The following ROBO2 variants were observed in gnomAD, a reference collection of about 807,000 sequenced individuals.
ROBO2 encodes the protein roundabout homolog 2.
Under a neutral mutation model 160.8 loss-of-function variants are expected in ROBO2, and 53 were observed. The observed-to-expected ratio is 0.33, with a 90% CI of 0.26 to 0.41. ROBO2 has a LOEUF of 0.41. Among genes scored for constraint, ROBO2 ranks in the 10% least tolerant of loss-of-function variants. The pLI is 1.00. For missense variants in ROBO2, 1,577 were observed against 1,722.4 expected (o/e 0.92, Z 1.49); for synonymous variants, 664 against 611.7 (o/e 1.09, Z -1.26).
At chr3:76,281,299 C>CA (rs907918797) in intron 2 of ROBO2, among the ~76,000 whole-genome samples, 10 of 151,822 alleles carry the variant, frequency 6.6e-5, no homozygotes, top group Non-Finnish European at 1.0e-4. Context: ...AATAAAGCAA[C>CA]AATGCACATA....
intron 2 of ROBO2, among the ~76,000 whole-genome samples, chr3:76,233,293 G>T (rs534769213): frequency 2.0e-5 from 3 of 151,978 alleles, no homozygotes; most frequent in African/African-American, 7.2e-5. Context: ...ACAGGCACTT[G>T]CCACCACACC....
At chr3:76,543,796 C>T (rs2082944387) in intron 2 of ROBO2, among the ~76,000 whole-genome samples, 1 of 152,134 alleles carries the variant, frequency 6.6e-6, no homozygotes, top group South Asian at 2.1e-4. Flanking sequence ...ATCTTTAAAT[C>T]CAGACCATCT....
chr3:76,598,302 T>A (rs942280908), intron 2 of ROBO2, among the ~76,000 whole-genome samples: 2 of 152,034 alleles, frequency 1.3e-5, no homozygotes, highest in Non-Finnish European at 2.9e-5. Flanking sequence ...TGGTTTTTTT[T>A]GTTTGTTTGT....
intron 2 of ROBO2, among the ~76,000 whole-genome samples, chr3:77,149,047 T>C (rs1364413787): frequency 2.0e-5 from 3 of 150,980 alleles, no homozygotes; most frequent in Non-Finnish European, 1.5e-5. Flanking sequence ...TTTTTTTTTT[T>C]TTTTTTTTGA....
intron 2 of ROBO2, among the ~76,000 whole-genome samples, chr3:75,999,923 G>A (rs575152082): frequency 1.3e-5 from 2 of 152,248 alleles, no homozygotes; most frequent in South Asian, 4.2e-4. Context: ...CAATGTGCTT[G>A]CTAGTTGGAT....
At chr3:76,378,001 T>C (rs530177143) in intron 2 of ROBO2, among the ~76,000 whole-genome samples, 15 of 152,240 alleles carry the variant, frequency 9.9e-5, no homozygotes, top group African/African-American at 3.6e-4. Flanking sequence ...CCTCTGCCAC[T>C]CCATTTCTGT....
At chr3:76,787,328 CCACACACACACACACACACACA>C (rs60806662) in intron 2 of ROBO2, among the ~76,000 whole-genome samples, 1 of 142,168 alleles carries the variant, frequency 7.0e-6, no homozygotes, top group Non-Finnish European at 1.5e-5. Flanking sequence ...TGTAAACACA[CCACACACACACACACACACACA>C]CACACACACA....
chr3:76,344,865 T>C (rs944621292), intron 2 of ROBO2, among the ~76,000 whole-genome samples: 3 of 152,180 alleles, frequency 2.0e-5, no homozygotes, highest in African/African-American at 7.2e-5. Flanking sequence ...TTAGTTTCCA[T>C]CCAGGGTGTT....
Position 77,177,004 on chromosome 3 carries a change from G to T in ROBO2, c.388+78664G>T, listed in dbSNP as rs926869798. Among the ~76,000 whole-genome samples, 4 of 149,126 alleles carry T rather than the reference G, an allele frequency of 2.7e-5. No individual in the cohort carries two copies. The South Asian group carries it at 6.4e-4, about 24-fold the overall frequency. ...GAATCTGTAGGTAATCTGTATTGTG[G>T]ATTCATTAAGTTTTTGACTTAAAAA... is the stretch of plus-strand genomic sequence containing the variant. On this transcript the variant is annotated intron_variant, in intron 2 of 25. Coordinates refer to ENST00000461745, the Ensembl canonical transcript of ROBO2.
At chr3:76,332,117 C>T (rs1462908070) in intron 2 of ROBO2, among the ~76,000 whole-genome samples, 4 of 152,114 alleles carry the variant, frequency 2.6e-5, no homozygotes, top group Non-Finnish European at 4.4e-5. Context: ...ATTTTGAATA[C>T]ATTTCCATTG....
chr3:76,802,440 C>T (rs1399079230), intron 2 of ROBO2, among the ~76,000 whole-genome samples: 1 of 152,106 alleles, frequency 6.6e-6, no homozygotes, highest in Admixed American at 6.5e-5. Context: ...AAGATACCAC[C>T]TTCAGAGGCC....
intron 2 of ROBO2, among the ~76,000 whole-genome samples, chr3:77,243,574 C>T (rs1278887662): frequency 6.6e-6 from 1 of 152,102 alleles, no homozygotes; most frequent in African/African-American, 2.4e-5. Context: ...CTACTATAGT[C>T]CCCTCCATTT....
chr3:77,104,898 C>G (rs2072573838), intron 2 of ROBO2, among the ~76,000 whole-genome samples: 2 of 152,074 alleles, frequency 1.3e-5, no homozygotes, highest in African/African-American at 4.8e-5. Flanking sequence ...CTAATAAATC[C>G]TTGTGTAACT....
At chr3:76,808,237 A>G (rs1287067827) in intron 2 of ROBO2, among the ~76,000 whole-genome samples, 1 of 152,164 alleles carries the variant, frequency 6.6e-6, no homozygotes, top group Non-Finnish European at 1.5e-5. Flanking sequence ...CACTGCAAAT[A>G]ACACAGGACC....
At chr3:77,153,530 G>A (rs979275035) in intron 2 of ROBO2, among the ~76,000 whole-genome samples, 15 of 151,866 alleles carry the variant, frequency 9.9e-5, no homozygotes, top group African/African-American at 3.4e-4. Context: ...ATGAATTTTC[G>A]ACCAATGCTG....
chr3:77,231,363 CAAAAAAAAAAA>C (rs60535204), intron 2 of ROBO2, among the ~76,000 whole-genome samples: 4 of 59,668 alleles, frequency 6.7e-5, no homozygotes, highest in Non-Finnish European at 1.2e-4. Context: ...AGACTCCATC[CAAAAAAAAAAA>C]AAAAAAAAAA....
intron 2 of ROBO2, among the ~76,000 whole-genome samples, chr3:76,041,650 A>G (rs1283430461): frequency 6.6e-6 from 1 of 152,042 alleles, no homozygotes; most frequent in Non-Finnish European, 1.5e-5. Flanking sequence ...CATGTTCTTA[A>G]TACCACAAAA....
chr3:76,456,216 G>A (rs996641736), intron 2 of ROBO2, among the ~76,000 whole-genome samples: 1 of 152,146 alleles, frequency 6.6e-6, no homozygotes, highest in African/African-American at 2.4e-5. Context: ...ATCTGTTGCT[G>A]GATGAATGTT....
intron 2 of ROBO2, among the ~76,000 whole-genome samples, chr3:76,584,443 G>A (rs2085902605): frequency 6.6e-6 from 1 of 151,960 alleles, no homozygotes; most frequent in Non-Finnish European, 1.5e-5. Flanking sequence ...TATTATCATG[G>A]GTCCCTGATC....
Sources: allele counts gnomAD v4.1 joint callset (sites outside exome capture counted in the v4.1 genomes callset), GRCh38; gene constraint gnomAD v4.1.1; transcripts MANE v1.5; gene names NCBI Gene and HGNC (gene_info 2026-07-23, HGNC 2026-07-21).